Variants in SH3RF2 observed in about 807,000 individuals in gnomAD.
The protein encoded by SH3RF2 is SH3 domain containing ring finger 2.
A neutral mutation model predicts 59.0 loss-of-function variants in SH3RF2; 43 were observed. The observed-to-expected ratio is 0.73, with a 90% CI of 0.57 to 0.94. The LOEUF is 0.94. Ranked by LOEUF, SH3RF2 falls within the 40% of genes least tolerant of loss-of-function variation. SH3RF2 has a pLI of 0.00. For missense variants in SH3RF2, 930 were observed against 940.1 expected (o/e 0.99, Z 0.14); for synonymous variants, 391 against 391.5 (o/e 1.00, Z 0.01).
chr5:145,960,060 T>A (rs1758572250), intron 2 of SH3RF2, among the ~76,000 whole-genome samples: 1 of 152,232 alleles, frequency 6.6e-6, no homozygotes, highest in South Asian at 2.1e-4. Context: ...TGTATGTATT[T>A]AATTTTGTTT....
intron 7 of SH3RF2, among the ~76,000 whole-genome samples, chr5:146,053,691 C>T (rs1762575919): frequency 6.6e-6 from 1 of 152,170 alleles, no homozygotes; most frequent in Non-Finnish European, 1.5e-5. Flanking sequence ...TACTCTTCTT[C>T]CTGTCCTCCT....
At chr5:146,046,948 G>C (rs1416276810) in intron 5 of SH3RF2, among the ~76,000 whole-genome samples, 1 of 151,994 alleles carries the variant, frequency 6.6e-6, no homozygotes, top group Non-Finnish European at 1.5e-5. Flanking sequence ...AAAAGAGATG[G>C]GATCTTACTA....
At chr5:146,073,698 G>A (rs535095893) in intron 9 of SH3RF2, among the ~76,000 whole-genome samples, 97 of 152,156 alleles carry the variant, frequency 6.4e-4, no homozygotes, top group African/African-American at 2.2e-3. Flanking sequence ...TCTACTATGG[G>A]CTATGTGCCA....
At chr5:145,995,771 T>TA (rs1760124035) in intron 2 of SH3RF2, among the ~76,000 whole-genome samples, 1 of 152,184 alleles carries the variant, frequency 6.6e-6, no homozygotes, top group African/African-American at 2.4e-5. Flanking sequence ...TTTCCCTAGA[T>TA]AAAAAACATA....
intron 9 of SH3RF2, among the ~76,000 whole-genome samples, chr5:146,073,570 G>A (rs7723698): frequency 0.046 from 6,966 of 152,252 alleles, 184 homozygotes; most frequent in African/African-American, 0.071. Flanking sequence ...TGGGCTCCAG[G>A]CAAGTGCTGC....
chr5:146,071,479 C>G (rs1240097297), intron 9 of SH3RF2, among the ~76,000 whole-genome samples: 1 of 152,212 alleles, frequency 6.6e-6, no homozygotes, highest in Non-Finnish European at 1.5e-5. Flanking sequence ...TTCTGTTCTG[C>G]ACATTCTATT....
At chr5:145,974,759 TAC>T (rs1759223327) in intron 2 of SH3RF2, among the ~76,000 whole-genome samples, 1 of 152,144 alleles carries the variant, frequency 6.6e-6, no homozygotes, top group South Asian at 2.1e-4. Context: ...CTTTACCTAC[TAC>T]CCTGTAGTTT....
chr5:146,038,945 T>A (rs1762035726), intron 5 of SH3RF2, among the ~76,000 whole-genome samples: 1 of 152,326 alleles, frequency 6.6e-6, no homozygotes, highest in East Asian at 1.9e-4. Context: ...CTAATTAAGA[T>A]GGCATGGATC....
chr5:145,962,199 C>A (rs1758655677), intron 2 of SH3RF2, among the ~76,000 whole-genome samples: 1 of 152,138 alleles, frequency 6.6e-6, no homozygotes, highest in Non-Finnish European at 1.5e-5. Context: ...CATGTGGCCA[C>A]CCCTAAAGCC....
intron 5 of SH3RF2, among the ~76,000 whole-genome samples, chr5:146,040,412 G>A (rs1318509318): frequency 6.6e-6 from 1 of 152,142 alleles, no homozygotes; most frequent in Non-Finnish European, 1.5e-5. Flanking sequence ...ACAGGTAGGG[G>A]GGTGGCCAGG....
In SH3RF2 at chr5:146,036,894, C is replaced by T. The variant is rs78429849; in HGVS notation, c.1060-10878C>T. ...TCCATGAGAATGGTCAACCTAGCAC[C>T]GGGGAAAAGGAAGAAAGACTCCTAA... On this transcript the variant is annotated intron_variant, in intron 5 of 9. Coordinates refer to ENST00000359120, the MANE Select transcript of SH3RF2 (RefSeq NM_152550.4). 2.3e-3 allele frequency among the ~76,000 whole-genome samples: 351 copies of T among 152,274 alleles called. 1 individual carries two copies. Among genetic ancestry groups the T allele is most frequent in the African/African-American group, 7.6e-3 (314 of 41,550 alleles).
chr5:145,962,635 C>T (rs182088975), intron 2 of SH3RF2, among the ~76,000 whole-genome samples: 1 of 152,246 alleles, frequency 6.6e-6, no homozygotes, highest in Non-Finnish European at 1.5e-5. Context: ...CCTTCTATAT[C>T]TTATGTATGC....
intron 2 of SH3RF2, among the ~76,000 whole-genome samples, chr5:145,957,940 C>T (rs1252020057): frequency 6.6e-6 from 1 of 152,058 alleles, no homozygotes. Flanking sequence ...TGGTGAAACC[C>T]CGTCTCTACC....
intron 2 of SH3RF2, among the ~76,000 whole-genome samples, chr5:145,978,841 A>G (rs1401376524): frequency 6.6e-6 from 1 of 152,140 alleles, no homozygotes; most frequent in Non-Finnish European, 1.5e-5. Flanking sequence ...GGTTTTAAAG[A>G]TAGACTTTGA....
intron 2 of SH3RF2, among the ~76,000 whole-genome samples, chr5:145,974,662 A>C (rs189368464): frequency 6.6e-6 from 1 of 152,346 alleles, no homozygotes; most frequent in Admixed American, 6.5e-5. Flanking sequence ...TAGAATTCAG[A>C]GACGTGAAGC....
intron 5 of SH3RF2, among the ~76,000 whole-genome samples, chr5:146,017,019 A>G (rs1415821504): frequency 6.6e-6 from 1 of 152,170 alleles, no homozygotes; most frequent in African/African-American, 2.4e-5. Flanking sequence ...CTCAAACCCC[A>G]AGGGGTAGCA....
In SH3RF2 at chr5:145,970,111, T is replaced by C. The variant is rs918088477; in HGVS notation, c.379-29947T>C. 2.6e-5 allele frequency among the ~76,000 whole-genome samples: 4 copies of C among 152,214 alleles called. No individual in the cohort carries two copies. The South Asian group carries it at 6.2e-4, about 24-fold the overall frequency. On this transcript the variant is annotated intron_variant, in intron 2 of 9. Coordinates refer to ENST00000359120, the MANE Select transcript of SH3RF2 (RefSeq NM_152550.4). ...TATTAACTCATTTAATCTTCACAGA[T>C]TATTGTTCCATTTTATTTTTTTTTT...
At chr5:146,034,987 T>C (rs1032336835) in intron 5 of SH3RF2, among the ~76,000 whole-genome samples, 1 of 152,006 alleles carries the variant, frequency 6.6e-6, no homozygotes, top group African/African-American at 2.4e-5. Context: ...ACCCCTGTAA[T>C]CTCGGCTACT....
chr5:145,960,486 A>G (rs1292820338), intron 2 of SH3RF2, among the ~76,000 whole-genome samples: 1 of 152,210 alleles, frequency 6.6e-6, no homozygotes, highest in Non-Finnish European at 1.5e-5. Context: ...TTGGACTTAA[A>G]TGATCCAGAA....
Sources: allele counts gnomAD v4.1 joint callset (sites outside exome capture counted in the v4.1 genomes callset), GRCh38; gene constraint gnomAD v4.1.1; transcripts MANE v1.5; gene names NCBI Gene and HGNC (gene_info 2026-07-23, HGNC 2026-07-21).